Variants in MYPN observed in about 807,000 individuals in gnomAD.
The protein encoded by MYPN is sarcomeric protein myopalladin, 145 kDa (MYOP).
Under a neutral mutation model 129.4 loss-of-function variants are expected in MYPN, and 63 were observed. The ratio of observed to expected loss-of-function variants is 0.49; its 90% CI spans 0.40 to 0.60. The LOEUF is 0.60. Among genes scored for constraint, MYPN ranks in the 20% least tolerant of loss-of-function variants. The probability of loss-of-function intolerance (pLI) is 0.00; values close to 1 mark genes in which losing one functional copy is unlikely to be tolerated. For missense variants in MYPN, 1,596 were observed against 1,635.4 expected (o/e 0.98, Z 0.42); for synonymous variants, 629 against 600.9 (o/e 1.05, Z -0.68).
rs1288349048 is a variant in MYPN, at chr10:68,210,917, A to G, written c.*462A>G. On this transcript the variant is annotated 3_prime_UTR_variant, in exon 20 of 20. Coordinates refer to ENST00000358913, the MANE Select transcript of MYPN (RefSeq NM_032578.4). ...CCATCACCTTTCATCGATTACATGT[A>G]TAGCAGTAGTTTTGGTGAATTCACC... 1.1e-5 allele frequency: 5 copies of G among 454,752 alleles called. No individual in the cohort carries two copies. Among genetic ancestry groups the G allele is most frequent in the Admixed American group, 9.4e-5 (4 of 42,564 alleles). 28.2% of individuals were successfully genotyped at this position (454,752 alleles called of 1,614,324 possible). A position where few individuals can be genotyped will look rare whatever the true frequency, so the allele number is the denominator to read the frequency against.
intron 10 of MYPN, 117 bp from the exon 11 acceptor site, chr10:68,173,949 G>A (rs2043183691): frequency 2.6e-5 from 23 of 878,174 alleles, no homozygotes; most frequent in South Asian, 2.5e-4. Context: ...TTACAGGCAT[G>A]AGCCACCATG....
chr10:68,139,468 A>G (rs147029341), intron 2 of MYPN, among the ~76,000 whole-genome samples: 2 of 152,140 alleles, frequency 1.3e-5, no homozygotes, highest in African/African-American at 4.8e-5. Context: ...ATGGTTTTGT[A>G]CCTTTAAAAA....
rs536278464 is a variant in MYPN, at chr10:68,138,988, T to C, written c.903-3952T>C. Among the ~76,000 whole-genome samples, 32 of 152,334 alleles carry C rather than the reference T, an allele frequency of 2.1e-4. No homozygotes were observed. The South Asian group carries it at 6.4e-3, about 31-fold the overall frequency. ...TTGTCTTAATCCTCCAACAGATTTG[T>C]GTAACTTCTCCTAAATATTCTCTTC... On this transcript the variant is annotated intron_variant, in intron 2 of 19. Transcript: ENST00000358913.
chr10:68,126,186 A>C (rs1204318996), intron 2 of MYPN, among the ~76,000 whole-genome samples: 2 of 152,140 alleles, frequency 1.3e-5, no homozygotes. Flanking sequence ...GATTAGAGAT[A>C]AGGTTGAAGA....
At chr10:68,112,565 T>C (rs1046644953) in intron 1 of MYPN, among the ~76,000 whole-genome samples, 10 of 152,208 alleles carry the variant, frequency 6.6e-5, no homozygotes, top group African/African-American at 2.4e-4. Flanking sequence ...TCTCATTAAT[T>C]CCCTGATGGA....
At position 68,210,462 on chromosome 10, in the gene MYPN, C is replaced by T; in HGVS notation, c.*7C>T. 1 of 1,613,952 alleles carries T rather than the reference C, an allele frequency of 6.2e-7. No homozygotes were observed. Among genetic ancestry groups the T allele is most frequent in the Non-Finnish European group, 8.5e-7 (1 of 1,179,940 alleles). On this transcript the variant is annotated 3_prime_UTR_variant, in exon 20 of 20. Transcript: ENST00000358913. ...GGAGAGTGATGAACTTTAAGAATGT[C>T]TAGGTACCTGCTGTGTAAGAGAGCG...
At chr10:68,096,917 G>A (rs955747077) in intron 1 of MYPN, among the ~76,000 whole-genome samples, 7 of 152,110 alleles carry the variant, frequency 4.6e-5, no homozygotes, top group South Asian at 2.1e-4. Flanking sequence ...ATATCAATAC[G>A]CTCAATTATT....
chr10:68,147,432 T>C (rs1004268898), intron 4 of MYPN, among the ~76,000 whole-genome samples: 2 of 152,158 alleles, frequency 1.3e-5, no homozygotes, highest in African/African-American at 4.8e-5. Context: ...GCTGGGATTA[T>C]AGGTGTGAGC....
intron 2 of MYPN, among the ~76,000 whole-genome samples, chr10:68,131,989 A>G (rs2042418609): frequency 6.6e-6 from 1 of 151,928 alleles, no homozygotes; most frequent in Non-Finnish European, 1.5e-5. Flanking sequence ...TTCCTTTATA[A>G]TCCTCTATTT....
intron 3 of MYPN, 37 bp downstream of exon 3, chr10:68,143,152 G>A (rs2042603955): frequency 6.3e-7 from 1 of 1,580,590 alleles, no homozygotes; most frequent in Non-Finnish European, 8.7e-7. Flanking sequence ...ACACTTAATA[G>A]TAAGACATTT....
At chr10:68,101,134 A>G (rs1316096024), upstream of MYPN, among the ~76,000 whole-genome samples, 2 of 152,212 alleles carry the variant, frequency 1.3e-5, no homozygotes, top group African/African-American at 2.4e-5. Flanking sequence ...AAAATTTTGT[A>G]TAGCTTCAAT....
At position 68,175,358 on chromosome 10, in the gene MYPN, C is replaced by G; in HGVS notation, c.2600C>G (p.Ser867Cys). Residue 867 changes from serine to cysteine, a missense_variant, in exon 12 of 20, where the codon TCT becomes TGT. Ser to Cys is a moderately radical substitution (Grantham distance 112). Transcript: ENST00000358913. ...GGATTAGCGAAGAAAAATACAAAGT[C>G]TCCTCAACCAGTGAATGATGATAAC... is the stretch of plus-strand genomic sequence containing the variant. ...SQGLAKKNTK[S>C]PQPVNDDNIR... The G allele has an allele frequency of 6.2e-7, 1 of 1,614,046 alleles. No individual in the cohort carries two copies. The highest frequency in any genetic ancestry group is 8.5e-7 in the Non-Finnish European group (1 of 1,179,970).
intron 12 of MYPN, among the ~76,000 whole-genome samples, chr10:68,180,627 G>A (rs913768567): frequency 6.6e-6 from 1 of 152,222 alleles, no homozygotes; most frequent in African/African-American, 2.4e-5. Flanking sequence ...AACACTTTGA[G>A]CAGGTCTTCT....
At chr10:68,134,346 A>G (rs1167028448) in intron 2 of MYPN, among the ~76,000 whole-genome samples, 1 of 152,204 alleles carries the variant, frequency 6.6e-6, no homozygotes, top group Non-Finnish European at 1.5e-5. Context: ...CAATTTAGTA[A>G]TAAGTACTAT....
intron 10 of MYPN, among the ~76,000 whole-genome samples, chr10:68,169,254 A>G (rs1299717748): frequency 1.4e-4 from 20 of 142,484 alleles, no homozygotes; most frequent in African/African-American, 4.8e-4. Context: ...GCTACTTGGG[A>G]GGCTGAGGCG....
chr10:68,181,735 C>A (rs2043316137), intron 12 of MYPN, among the ~76,000 whole-genome samples: 1 of 152,126 alleles, frequency 6.6e-6, no homozygotes, highest in African/African-American at 2.4e-5. Context: ...AGGCAGCCTT[C>A]CACTTTGCCC....
chr10:68,165,575 G>T, intron 8 of MYPN, 127 bp from the exon 9 acceptor site: 1 of 779,256 alleles, frequency 1.3e-6, no homozygotes, highest in Non-Finnish European at 2.2e-6. Context: ...TTGACCAATT[G>T]TTTTCAAAGA....
At chr10:68,199,266 C>T in intron 16 of MYPN, 102 bp from the exon 17 acceptor site, 1 of 1,143,216 alleles carries the variant, frequency 8.7e-7, no homozygotes, top group Non-Finnish European at 1.3e-6. Flanking sequence ...TCCATGTTTT[C>T]TCTCACTGTC....
chr10:68,107,236 T>A (rs1471038486), upstream of MYPN, among the ~76,000 whole-genome samples: 1 of 152,188 alleles, frequency 6.6e-6, no homozygotes, highest in Non-Finnish European at 1.5e-5. Flanking sequence ...CAGCTTTTTT[T>A]CAAAGAGCTC....
Sources: gnomAD v4.1 joint callset for allele counts (sites outside exome capture counted in the v4.1 genomes callset) on GRCh38, gnomAD v4.1.1 for gene constraint, MANE v1.5 for transcripts, NCBI Gene and HGNC (gene_info 2026-07-23, HGNC 2026-07-21) for gene names.